The following CACNA2D4 variants were observed in gnomAD, a reference collection of about 807,000 sequenced individuals.
CACNA2D4 encodes voltage-dependent calcium channel subunit alpha-2/delta-4.
CACNA2D4 carries 157 observed loss-of-function variants against 163.8 expected under a neutral mutation model. The observed-to-expected ratio is 0.96, with a 90% confidence interval of 0.84 to 1.09. The LOEUF (loss-of-function observed/expected upper bound fraction) is 1.09. CACNA2D4 is among the 50% of genes least tolerant of loss of function. The probability of loss-of-function intolerance (pLI) is 0.00; values close to 1 mark genes in which losing one functional copy is unlikely to be tolerated. For missense variants in CACNA2D4, 1,410 were observed against 1,479.9 expected (o/e 0.95, Z 0.78); for synonymous variants, 598 against 586.9 (o/e 1.02, Z -0.27).
At chr12:1,905,120 T>C (rs1431441049) in intron 6 of CACNA2D4, among the ~76,000 whole-genome samples, 2 of 152,112 alleles carry the variant, frequency 1.3e-5, no homozygotes, top group African/African-American at 4.8e-5. Context: ...AAAAATTCCA[T>C]GGCCATCCCA....
At chr12:1,840,628 G>C (rs546096128) in intron 26 of CACNA2D4, 111 bp downstream of exon 26, 10 of 803,762 alleles carry the variant, frequency 1.2e-5, no homozygotes, top group South Asian at 6.4e-5. Flanking sequence ...ACATTCCACC[G>C]GCAGGACTGT....
At chr12:1,825,524 A>G (rs73046071) in intron 26 of CACNA2D4, among the ~76,000 whole-genome samples, 13,074 of 152,204 alleles carry the variant, frequency 0.086, 800 homozygotes, top group Non-Finnish European at 0.13. Context: ...GCATTTGGGA[A>G]CTTAGAGGCA....
intron 2 of CACNA2D4, among the ~76,000 whole-genome samples, chr12:1,913,467 A>T (rs1866885691): frequency 6.6e-6 from 1 of 152,256 alleles, no homozygotes; most frequent in Non-Finnish European, 1.5e-5. Flanking sequence ...TGATGGGGCC[A>T]GGTCTCTCAG....
In CACNA2D4 at chr12:1,856,053, G is replaced by A. The variant is rs753498396; in HGVS notation, c.2111C>T (p.Ala704Val). The change falls in exon 22 of 38, where the codon GCC becomes GTC. Residue 704 changes from alanine (A) to valine (V), a missense_variant. Transcript: ENST00000382722. The part of the protein sequence containing the change: ...PDHRKLSQLE[A>V]MIRFLTRKDP... The stretch of plus-strand genomic sequence containing the variant: ...CTTCCTGGTGAGGAAGCGGATCATG[G>A]CCTCTAGCTGGCTGAGCTTCCGGTG... The A allele has an allele frequency of 1.2e-6, 2 of 1,614,002 alleles. No individual in the cohort carries two copies. Among genetic ancestry groups the A allele is most frequent in the Non-Finnish European group, 1.7e-6 (2 of 1,179,862 alleles).
intron 29 of CACNA2D4, among the ~76,000 whole-genome samples, chr12:1,803,112 G>C (rs990163253): frequency 6.6e-6 from 1 of 152,236 alleles, no homozygotes; most frequent in African/African-American, 2.4e-5. Context: ...GAAATGCAAG[G>C]CTGGTACAGG....
intron 13 of CACNA2D4, among the ~76,000 whole-genome samples, chr12:1,880,964 G>C (rs1486100124): frequency 6.6e-6 from 1 of 152,210 alleles, no homozygotes; most frequent in African/African-American, 2.4e-5. Context: ...TCTGGGAGGA[G>C]TCCAGTCACA....
At chr12:1,911,711 G>A (rs1020293353) in intron 3 of CACNA2D4, among the ~76,000 whole-genome samples, 7 of 152,188 alleles carry the variant, frequency 4.6e-5, no homozygotes, top group Non-Finnish European at 8.8e-5. Context: ...AAGGGCACAG[G>A]GAGCCTGGAG....
chr12:1,894,658 A>C (rs1866361401), intron 6 of CACNA2D4, among the ~76,000 whole-genome samples: 1 of 152,244 alleles, frequency 6.6e-6, no homozygotes, highest in African/African-American at 2.4e-5. Context: ...TCATAGATGA[A>C]GAAAAAGCAC....
At position 1,792,532 on chromosome 12, in the gene CACNA2D4, CCT is replaced by C. The variant is rs1414002859; in HGVS notation, c.*1121_*1122del. 6.6e-6 allele frequency: 1 copy of C among 152,230 alleles called. No individual in the cohort carries two copies. The highest frequency in any genetic ancestry group is 1.5e-5 in the Non-Finnish European group (1 of 68,068). 9.4% of individuals were successfully genotyped at this position (152,230 alleles called of 1,614,324 possible). On this transcript the variant is annotated 3_prime_UTR_variant, in exon 38 of 38. Transcript: ENST00000382722. ...GTTAAATGGAAAGATTTGAGGCCGG[CCT>C]CTCCCACATTTCTCCATGGCTTTGC...
At chr12:1,823,022 G>A (rs915672660) in intron 26 of CACNA2D4, among the ~76,000 whole-genome samples, 5 of 152,202 alleles carry the variant, frequency 3.3e-5, no homozygotes, top group Non-Finnish European at 7.4e-5. Flanking sequence ...AGTGAAGGGG[G>A]CGGCAGAGTA....
rs1866047187 is a variant in CACNA2D4 at position 1,883,142 on chromosome 12, C to T, written c.1352-142G>A. 4.1e-6 allele frequency: 4 copies of T among 983,072 alleles called. No individual in the cohort carries two copies. The highest frequency in any genetic ancestry group is 2.6e-5 in the East Asian group (1 of 37,742). The allele number at this position is 983,072 out of a possible 1,614,324, so 60.9% of individuals were successfully genotyped here. A position where few individuals can be genotyped will look rare whatever the true frequency, so the allele number is the denominator to read the frequency against. On this transcript the variant is annotated intron_variant, in intron 12 of 37. Coordinates refer to ENST00000382722, the MANE Select transcript of CACNA2D4 (RefSeq NM_172364.5). The surrounding 1 kb of genome is among the most constrained non-coding windows in gnomAD (Gnocchi z 4.5). ...GGACCGGGGCACAGGGAGCTGCTTCCCCACAGTTGTGTCCTTTACCCAGGG... is the reference window on the plus strand; with the variant it reads ...GGACCGGGGCACAGGGAGCTGCTTCTCCACAGTTGTGTCCTTTACCCAGGG...
In CACNA2D4 at chr12:1,820,073, C is replaced by T. The variant is rs569357685; in HGVS notation, c.2552-8350G>A. ...AGAGAAGGGTTCGGTTTTTCCTTCT[C>T]TCAGGCAGGATGGGAGACTCTGCCT... On this transcript the variant is annotated intron_variant, in intron 26 of 37. Coordinates refer to ENST00000382722, the MANE Select transcript of CACNA2D4 (RefSeq NM_172364.5). The surrounding 1 kb of genome is among the most constrained non-coding windows in gnomAD (Gnocchi z 6.0). 6.6e-6 allele frequency among the ~76,000 whole-genome samples: 1 copy of T among 152,310 alleles called. No individual in the cohort carries two copies. The highest frequency in any genetic ancestry group is 6.5e-5 in the Admixed American group (1 of 15,306).
intron 31 of CACNA2D4, 61 bp from the exon 32 acceptor site, chr12:1,800,499 C>G (rs1863277950): frequency 3.3e-6 from 5 of 1,513,694 alleles, no homozygotes; most frequent in Non-Finnish European, 4.5e-6. Context: ...TGCCCCCCCC[C>G]CACCACCAGC....
At chr12:1,796,795 G>C (rs1863141522) in intron 35 of CACNA2D4, among the ~76,000 whole-genome samples, 1 of 152,326 alleles carries the variant, frequency 6.6e-6, no homozygotes, top group Non-Finnish European at 1.5e-5. Context: ...CGCATTCCCA[G>C]CGTGGGGGTC....
chr12:1,821,682 C>T (rs183706630), intron 26 of CACNA2D4, among the ~76,000 whole-genome samples: 1 of 152,290 alleles, frequency 6.6e-6, no homozygotes, highest in Admixed American at 6.5e-5. Context: ...GGCATGGACA[C>T]CCTGAGTAGA....
chr12:1,883,389 G>A lies in CACNA2D4; in HGVS notation c.1352-389C>T, dbSNP rs1866053080. On this transcript the variant is annotated intron_variant, in intron 12 of 37. Transcript: ENST00000382722. The surrounding 1 kb of genome is among the most constrained non-coding windows in gnomAD (Gnocchi z 4.5). ...TTCTGCCACTCTTAGGTCTCTTCAG[G>A]GAACCCAATCAGAGGCAGAGATTTC... Among the ~76,000 whole-genome samples the A allele has an allele frequency of 6.6e-6, 1 of 152,138 alleles. No homozygotes were observed. The highest frequency in any genetic ancestry group is 1.5e-5 in the Non-Finnish European group (1 of 68,028).
intron 3 of CACNA2D4, among the ~76,000 whole-genome samples, chr12:1,912,662 C>T (rs2154452582): frequency 6.6e-6 from 1 of 152,296 alleles, no homozygotes; most frequent in African/African-American, 2.4e-5. Flanking sequence ...CATCCATTCC[C>T]AAAGCAATTC....
chr12:1,810,199 C>A, intron 29 of CACNA2D4, 79 bp downstream of exon 29: 1 of 1,255,348 alleles, frequency 8.0e-7, no homozygotes, highest in South Asian at 1.2e-5. Flanking sequence ...GTGGGGCTCT[C>A]TTTAGCTGGA....
At chr12:1,886,648 C>T (rs1225940898) in intron 7 of CACNA2D4, among the ~76,000 whole-genome samples, 1 of 152,192 alleles carries the variant, frequency 6.6e-6, no homozygotes, top group African/African-American at 2.4e-5. Flanking sequence ...ACCGGGGTCC[C>T]TGAGGGGCTG....
Sources: gnomAD v4.1 joint callset for allele counts (sites outside exome capture counted in the v4.1 genomes callset) on GRCh38, gnomAD v4.1.1 for gene constraint, Gnocchi (gnomAD v3.1) non-coding constraint, MANE v1.5 for transcripts, NCBI Gene and HGNC (gene_info 2026-07-23, HGNC 2026-07-21) for gene names.